Variants in CNTN5 observed in about 807,000 individuals in gnomAD.
The protein encoded by CNTN5 is contactin 5, also known as contactin-5.
In CNTN5, 77 loss-of-function variants were observed where a neutral mutation model predicts 129.1. The ratio of observed to expected loss-of-function variants is 0.60; its 90% confidence interval spans 0.50 to 0.72. The LOEUF (loss-of-function observed/expected upper bound fraction) is 0.72. CNTN5 is among the 30% of genes least tolerant of loss of function. The pLI is 0.00. For missense variants in CNTN5, 1,478 were observed against 1,328.8 expected (o/e 1.11, Z -1.75); for synonymous variants, 509 against 465.6 (o/e 1.09, Z -1.20).
intron 2 of CNTN5, among the ~76,000 whole-genome samples, chr11:99,396,272 T>C (rs1941519638): frequency 6.6e-6 from 1 of 151,628 alleles, no homozygotes; most frequent in South Asian, 2.1e-4. Context: ...ATAGAATAGG[T>C]CAATCTTTTC....
chr11:99,694,121 C>T (rs948667956), intron 3 of CNTN5, among the ~76,000 whole-genome samples: 7 of 151,416 alleles, frequency 4.6e-5, no homozygotes, highest in African/African-American at 1.7e-4. Context: ...GAAGAAAAGG[C>T]AGAGAAAGCT....
intron 22 of CNTN5, 126 bp downstream of exon 22, chr11:100,340,775 G>C: frequency 1.2e-6 from 1 of 845,058 alleles, no homozygotes; most frequent in Non-Finnish European, 1.8e-6. Context: ...TCTTGCTTCA[G>C]TGCTTAGATC....
chr11:100,242,297 C>T (rs1299482917), intron 16 of CNTN5, among the ~76,000 whole-genome samples: 1 of 152,166 alleles, frequency 6.6e-6, no homozygotes, highest in Admixed American at 6.6e-5. Context: ...TCAAATGTTG[C>T]CTACCTCTTC....
rs537429918 is a variant in CNTN5, at chr11:99,948,981, C to T, written c.674-7825C>T. 7.9e-5 allele frequency among the ~76,000 whole-genome samples: 12 copies of T among 152,300 alleles called. No homozygotes were observed. In the South Asian group the frequency reaches 1.7e-3, roughly 21 times the overall value. On this transcript the variant is annotated intron_variant, in intron 7 of 24. Coordinates refer to ENST00000524871, the MANE Select transcript of CNTN5 (RefSeq NM_014361.4). ...AGGGTGCAAATAGCCTTTGCTGATA[C>T]TCTTTGCCTTCTTTTGCCTCACTTA... is the stretch of plus-strand genomic sequence containing the variant.
chr11:99,594,653 C>T (rs574029346), intron 3 of CNTN5, among the ~76,000 whole-genome samples: 1 of 152,270 alleles, frequency 6.6e-6, no homozygotes, highest in South Asian at 2.1e-4. Context: ...GTACTTTAGT[C>T]ACAAAGCAAT....
rs189303327 is a variant in CNTN5, at chr11:99,524,344, A to G, written c.-70-31801A>G. 2.2e-3 allele frequency among the ~76,000 whole-genome samples: 328 copies of G among 152,202 alleles called. 3 individuals are homozygous for G. Among genetic ancestry groups the G allele is most frequent in the African/African-American group, 7.4e-3 (309 of 41,526 alleles). ...AATTTAAAGGTATAATAATATTCTT[A>G]TTTCTTATTCAACATTTTATATCTT... On this transcript the variant is annotated intron_variant, in intron 2 of 24. Transcript: ENST00000524871.
chr11:100,037,180 G>T (rs1284557305), intron 9 of CNTN5, among the ~76,000 whole-genome samples: 10 of 49,000 alleles, frequency 2.0e-4, no homozygotes, highest in African/African-American at 1.3e-3. Context: ...TAGCATGAAG[G>T]TTGTTGAATT....
intron 7 of CNTN5, among the ~76,000 whole-genome samples, chr11:99,938,566 T>C (rs1003805774): frequency 2.6e-5 from 4 of 152,036 alleles, no homozygotes; most frequent in Non-Finnish European, 5.9e-5. Context: ...TGGGAGAAAA[T>C]AGAGTATTAA....
intron 1 of CNTN5, among the ~76,000 whole-genome samples, chr11:99,248,864 A>G (rs60669681): frequency 0.017 from 2,585 of 152,092 alleles, 85 homozygotes; most frequent in African/African-American, 0.059. Context: ...TTTGGTTACT[A>G]TAGCCTTGTA....
At chr11:99,875,766 A>G (rs926913468) in intron 6 of CNTN5, among the ~76,000 whole-genome samples, 10 of 152,196 alleles carry the variant, frequency 6.6e-5, no homozygotes, top group Admixed American at 1.3e-4. Context: ...TATATGAAAT[A>G]CATAATAGAC....
chr11:100,091,455 G>A (rs1944782967), intron 13 of CNTN5, among the ~76,000 whole-genome samples: 1 of 124,896 alleles, frequency 8.0e-6, no homozygotes, highest in South Asian at 2.6e-4. Flanking sequence ...TTGAGACAGA[G>A]TCTCACCCTT....
At chr11:99,382,880 A>G (rs760445246) in intron 2 of CNTN5, among the ~76,000 whole-genome samples, 3 of 18,522 alleles carry the variant, frequency 1.6e-4, no homozygotes, top group Non-Finnish European at 2.3e-4. Flanking sequence ...TTTTTTAGAC[A>G]GAGTCTCGCT....
At chr11:99,711,069 T>C (rs1312820493) in intron 3 of CNTN5, among the ~76,000 whole-genome samples, 1 of 151,942 alleles carries the variant, frequency 6.6e-6, no homozygotes, top group African/African-American at 2.4e-5. Flanking sequence ...TAATTGTACA[T>C]AACCTATATA....
intron 3 of CNTN5, among the ~76,000 whole-genome samples, chr11:99,744,453 C>T (rs1445964471): frequency 1.4e-5 from 2 of 146,170 alleles, no homozygotes; most frequent in African/African-American, 2.5e-5. Flanking sequence ...GTAATCTCAG[C>T]ACTTTGGAGG....
chr11:99,139,165 G>T (rs542828084), intron 1 of CNTN5, among the ~76,000 whole-genome samples: 1 of 151,392 alleles, frequency 6.6e-6, no homozygotes, highest in Admixed American at 6.6e-5. Flanking sequence ...TACTCAGGAG[G>T]CTGAGGTGGG....
chr11:99,673,233 G>A (rs1272767763), intron 3 of CNTN5, among the ~76,000 whole-genome samples: 1 of 152,160 alleles, frequency 6.6e-6, no homozygotes, highest in South Asian at 2.1e-4. Flanking sequence ...ACAGACAGCT[G>A]TGTCAAAATT....
chr11:99,897,876 T>A (rs981164581), intron 6 of CNTN5, among the ~76,000 whole-genome samples: 4 of 152,182 alleles, frequency 2.6e-5, no homozygotes, highest in African/African-American at 9.6e-5. Flanking sequence ...TAAGATCTAA[T>A]GATCTGCTGT....
At chr11:99,336,505 A>G (rs1484276704) in intron 2 of CNTN5, among the ~76,000 whole-genome samples, 1 of 152,050 alleles carries the variant, frequency 6.6e-6, no homozygotes, top group Non-Finnish European at 1.5e-5. Flanking sequence ...CTTTTTTTCT[A>G]TTTATTCCAC....
intron 3 of CNTN5, among the ~76,000 whole-genome samples, chr11:99,728,142 G>A (rs956179006): frequency 2.6e-5 from 4 of 152,198 alleles, no homozygotes; most frequent in Admixed American, 6.5e-5. Context: ...TTAAGAGTAC[G>A]TTGCAAAAAA....
Sources: allele counts gnomAD v4.1 joint callset (sites outside exome capture counted in the v4.1 genomes callset), GRCh38; gene constraint gnomAD v4.1.1; transcripts MANE v1.5; gene names NCBI Gene and HGNC (gene_info 2026-07-23, HGNC 2026-07-21).